The following MALRD1 variants were observed in gnomAD, a reference collection of about 807,000 sequenced individuals.
The protein encoded by MALRD1 is MAM and LDL receptor class A domain containing 1.
Under a neutral mutation model 242.1 loss-of-function variants are expected in MALRD1, and 247 were observed. The ratio of observed to expected loss-of-function variants is 1.02; its 90% CI spans 0.92 to 1.13. MALRD1 has a LOEUF of 1.13. MALRD1 is among the 50% of genes most tolerant of loss of function. The probability of loss-of-function intolerance (pLI) is 0.00; values close to 1 mark genes in which losing one functional copy is unlikely to be tolerated. For synonymous variants in MALRD1, 995 were observed against 866.6 expected (o/e 1.15, Z -2.60); for missense variants, 2,989 against 2,533.1 (o/e 1.18, Z -3.86).
intron 21 of MALRD1, among the ~76,000 whole-genome samples, chr10:19,305,218 A>G (rs1842113502): frequency 6.6e-6 from 1 of 151,690 alleles, no homozygotes; most frequent in South Asian, 2.1e-4. Flanking sequence ...GCAATAAGAA[A>G]AACATCGATC....
chr10:19,319,801 A>T (rs1469674477), intron 21 of MALRD1, among the ~76,000 whole-genome samples: 1 of 151,970 alleles, frequency 6.6e-6, no homozygotes, highest in Admixed American at 6.6e-5. Flanking sequence ...TAATAAGATG[A>T]TCACCTTTGT....
At chr10:19,337,723 C>G (rs1433418944) in intron 24 of MALRD1, among the ~76,000 whole-genome samples, 1 of 151,812 alleles carries the variant, frequency 6.6e-6, no homozygotes, top group Non-Finnish European at 1.5e-5. Context: ...ATCTTTAATA[C>G]CTTTAGTTTT....
intron 31 of MALRD1, among the ~76,000 whole-genome samples, chr10:19,510,582 CATTAAACCTTGAGTCG>C (rs1833354068): frequency 6.6e-6 from 1 of 152,010 alleles, no homozygotes; most frequent in South Asian, 2.1e-4. Flanking sequence ...GCCCTAAATC[CATTAAACCTTGAGTCG>C]ACACAGCACA....
At chr10:19,714,306 G>C (rs1564563290) in intron 38 of MALRD1, among the ~76,000 whole-genome samples, 1 of 152,162 alleles carries the variant, frequency 6.6e-6, no homozygotes, top group Admixed American at 6.5e-5. Context: ...TCCGGAGTAG[G>C]GCTGCCCAGT....
intron 19 of MALRD1, among the ~76,000 whole-genome samples, chr10:19,261,712 T>C (rs1003550558): frequency 6.6e-6 from 1 of 151,992 alleles, no homozygotes; most frequent in African/African-American, 2.4e-5. Flanking sequence ...CTACAACTTT[T>C]ATTTTATAGA....
chr10:19,275,467 G>C (rs1180575249), intron 19 of MALRD1, among the ~76,000 whole-genome samples: 1 of 152,124 alleles, frequency 6.6e-6, no homozygotes, highest in Non-Finnish European at 1.5e-5. Context: ...AGGAGATCAA[G>C]ACCATCCTGG....
In MALRD1 at chr10:19,498,633, T is replaced by C; in HGVS notation, c.5307T>C (p.Ser1769=). The change falls in exon 31 of 40, where the codon TCT becomes TCC. Residue 1769 remains serine (S), a synonymous_variant. Transcript: ENST00000454679. The part of the protein sequence containing the change: ...RIPAKALIPD[S]DHTPGSGQHF... Reference sequence around the variant, plus strand: ...CTGCCAAAGCATTAATTCCAGACTCTGATCACACGCCAGGTAAATCTAGTA... The same window carrying C: ...CTGCCAAAGCATTAATTCCAGACTCCGATCACACGCCAGGTAAATCTAGTA... 2 of 1,549,624 alleles carry C rather than the reference T, an allele frequency of 1.3e-6. No individual in the cohort carries two copies. Among genetic ancestry groups the C allele is most frequent in the East Asian group, 4.9e-5 (2 of 40,898 alleles).
At chr10:19,447,765 A>G (rs761275268) in intron 28 of MALRD1, among the ~76,000 whole-genome samples, 1 of 152,170 alleles carries the variant, frequency 6.6e-6, no homozygotes, top group South Asian at 2.1e-4. Context: ...TTTTTAATTT[A>G]ATTAACCATC....
chr10:19,548,739 G>T (rs1835356906), intron 32 of MALRD1, among the ~76,000 whole-genome samples: 1 of 151,980 alleles, frequency 6.6e-6, no homozygotes, highest in African/African-American at 2.4e-5. Context: ...CCTCTCTTCG[G>T]GCCTCCCTAT....
At chr10:19,358,230 G>GTGTGTA (rs1178465369) in intron 26 of MALRD1, among the ~76,000 whole-genome samples, 1 of 151,448 alleles carries the variant, frequency 6.6e-6, no homozygotes, top group Non-Finnish European at 1.5e-5. Flanking sequence ...GTGTGTGTGT[G>GTGTGTA]TATGAGTTTA....
intron 1 of MALRD1, among the ~76,000 whole-genome samples, chr10:19,059,870 C>G (rs1834772131): frequency 1.3e-5 from 2 of 152,088 alleles, no homozygotes; most frequent in Admixed American, 1.3e-4. Flanking sequence ...TTTTCCCAAA[C>G]CAATGAAAAA....
intron 32 of MALRD1, among the ~76,000 whole-genome samples, chr10:19,539,907 CGT>C (rs201977269): frequency 0.74 from 103,353 of 138,956 alleles, 38,736 homozygotes; most frequent in Non-Finnish European, 0.78. Flanking sequence ...TGCGCGCGCG[CGT>C]GCGCGCACAC....
intron 29 of MALRD1, among the ~76,000 whole-genome samples, chr10:19,474,845 G>A (rs1296879590): frequency 1.3e-5 from 2 of 151,694 alleles, no homozygotes; most frequent in Non-Finnish European, 2.9e-5. Context: ...CCATTTTATA[G>A]AACTAAGGGT....
intron 28 of MALRD1, among the ~76,000 whole-genome samples, chr10:19,402,432 G>A (rs10740891): frequency 0.87 from 133,009 of 152,110 alleles, 58,572 homozygotes; most frequent in African/African-American, 0.94. Context: ...AGGAGATCCA[G>A]TGGTTTTATA....
chr10:19,458,960 T>C (rs1431692027), intron 29 of MALRD1, among the ~76,000 whole-genome samples: 2 of 152,050 alleles, frequency 1.3e-5, no homozygotes, highest in Non-Finnish European at 2.9e-5. Flanking sequence ...TTTAAAAGTA[T>C]ATCATCAAGC....
At chr10:19,232,362 G>C (rs1254378620) in intron 18 of MALRD1, among the ~76,000 whole-genome samples, 1 of 148,984 alleles carries the variant, frequency 6.7e-6, no homozygotes, top group Non-Finnish European at 1.5e-5. Context: ...TTTTTTAGTA[G>C]AGATGGGGTT....
chr10:19,704,220 G>A (rs768615468), intron 38 of MALRD1, among the ~76,000 whole-genome samples: 1 of 152,114 alleles, frequency 6.6e-6, no homozygotes, highest in South Asian at 2.1e-4. Flanking sequence ...TAATTTCATA[G>A]AATCGTAAGT....
At chr10:19,056,026 C>A (rs1215878991) in intron 1 of MALRD1, among the ~76,000 whole-genome samples, 5 of 152,044 alleles carry the variant, frequency 3.3e-5, no homozygotes, top group African/African-American at 1.2e-4. Context: ...TATTTCTGGG[C>A]TTTCTAGCTT....
intron 2 of MALRD1, among the ~76,000 whole-genome samples, chr10:19,084,196 T>C (rs1398577400): frequency 2.6e-5 from 4 of 152,010 alleles, no homozygotes; most frequent in Non-Finnish European, 5.9e-5. Context: ...TAAATTGGTA[T>C]GAGTCAAAAC....
Sources: gnomAD v4.1 joint callset for allele counts (sites outside exome capture counted in the v4.1 genomes callset) on GRCh38, gnomAD v4.1.1 for gene constraint, MANE v1.5 for transcripts, NCBI Gene and HGNC (gene_info 2026-07-23, HGNC 2026-07-21) for gene names.